The following GSG1L variants were observed in gnomAD, a reference collection of about 807,000 sequenced individuals.
GSG1L encodes the protein GSG1 like.
A neutral mutation model predicts 42.1 loss-of-function variants in GSG1L; 24 were observed. That is an observed-to-expected ratio of 0.57 (90% CI 0.41 to 0.80). The LOEUF (loss-of-function observed/expected upper bound fraction) is 0.80, where lower values mean the gene tolerates loss of function less well. Ranked by LOEUF, GSG1L falls within the 30% of genes least tolerant of loss-of-function variation. The pLI is 0.00. For missense variants in GSG1L, 445 were observed against 472.2 expected, an observed-to-expected ratio of 0.94 and a Z score of 0.53; for synonymous variants, 215 against 203.5, an observed-to-expected ratio of 1.06 and a Z score of -0.48.
intron 3 of GSG1L, among the ~76,000 whole-genome samples, chr16:27,882,669 A>G (rs571548822): frequency 6.6e-6 from 1 of 152,150 alleles, no homozygotes; most frequent in African/African-American, 2.4e-5. Flanking sequence ...TCTCACTCAA[A>G]TGTTGCCTTC....
At chr16:27,817,263 G>A (rs1345634485) in intron 5 of GSG1L, among the ~76,000 whole-genome samples, 1 of 152,134 alleles carries the variant, frequency 6.6e-6, no homozygotes, top group Non-Finnish European at 1.5e-5. Flanking sequence ...GGTGCCCTGG[G>A]GCCTCCCCAG....
At chr16:27,851,830 G>A (rs902609943) in intron 3 of GSG1L, among the ~76,000 whole-genome samples, 8 of 152,196 alleles carry the variant, frequency 5.3e-5, no homozygotes, top group African/African-American at 1.4e-4. Context: ...GAGATGCCAC[G>A]AATCATCTTT....
At chr16:27,898,510 TTTG>T (rs2084217701) in intron 2 of GSG1L, among the ~76,000 whole-genome samples, 2 of 151,982 alleles carry the variant, frequency 1.3e-5, no homozygotes, top group South Asian at 4.2e-4. Context: ...GATTTTTTGT[TTTG>T]TTTACTGTTT....
chr16:28,009,518 C>T (rs1420958510), intron 1 of GSG1L, among the ~76,000 whole-genome samples: 1 of 152,218 alleles, frequency 6.6e-6, no homozygotes, highest in East Asian at 1.9e-4. Flanking sequence ...TATCACTCAC[C>T]ACTGATTACC....
At position 27,908,953 on chromosome 16, in the gene GSG1L, C is replaced by T. The variant is rs114120576; in HGVS notation, c.398-24315G>A. The stretch of plus-strand genomic sequence containing the variant: ...GATAGCTCACTTCTCTATGCCCTTA[C>T]AGCCCCTCTGCATTAAAACAGGCTG... On this transcript the variant is annotated intron_variant, in intron 2 of 6. Coordinates refer to ENST00000447459, the MANE Select transcript of GSG1L (RefSeq NM_001109763.2). 3.6e-3 allele frequency among the ~76,000 whole-genome samples: 541 copies of T among 152,320 alleles called. 2 individuals carry two copies. The highest frequency in any genetic ancestry group is 0.012 in the African/African-American group (519 of 41,572).
At position 27,966,158 on chromosome 16, in the gene GSG1L, T is replaced by C. The variant is rs563535438; in HGVS notation, c.350-2955A>G. Among the ~76,000 whole-genome samples, 32 of 152,336 alleles carry C rather than the reference T, an allele frequency of 2.1e-4. 1 individual carries two copies. Among genetic ancestry groups the C allele is most frequent in the African/African-American group, 5.5e-4 (23 of 41,582 alleles). ...TCTCCCTTGTCATTTTTCTCAAATG[T>C]TATCTTCCCAAGGAGGCCTTTCCAT... On this transcript the variant is annotated intron_variant, in intron 1 of 6. Transcript: ENST00000447459.
rs571183165 is a variant in GSG1L at position 27,818,880 on chromosome 16, C to T, written c.830+9909G>A. On this transcript the variant is annotated intron_variant, in intron 5 of 6. Coordinates refer to ENST00000447459, the MANE Select transcript of GSG1L (RefSeq NM_001109763.2). ...TAACACAGAAGGAGATAAAGCCATGCGCATGTCAGTGCCTTAGCTTGATCT... is the reference window on the plus strand; with the variant it reads ...TAACACAGAAGGAGATAAAGCCATGTGCATGTCAGTGCCTTAGCTTGATCT... Among the ~76,000 whole-genome samples the T allele has an allele frequency of 5.9e-5, 9 of 152,062 alleles. No individual in the cohort carries two copies. The South Asian group carries it at 1.0e-3, about 18-fold the overall frequency.
intron 6 of GSG1L, among the ~76,000 whole-genome samples, chr16:27,803,779 A>ATATATATATATC (rs1358819864): frequency 6.0e-5 from 5 of 83,362 alleles, no homozygotes; most frequent in East Asian, 2.7e-4. Context: ...ATATATATAT[A>ATATATATATATC]TATATATATA....
chr16:27,888,135 C>A (rs954477910), intron 2 of GSG1L: 2 of 985,572 alleles, frequency 2.0e-6, no homozygotes, highest in Non-Finnish European at 2.4e-6. Context: ...CTCATCATGG[C>A]GCTGCTCACT....
chr16:27,884,536 A>G lies in GSG1L; in HGVS notation c.500T>C (p.Ile167Thr). 6.2e-7 allele frequency: 1 copy of G among 1,613,994 alleles called. No homozygotes were observed. The highest frequency in any genetic ancestry group is 8.5e-7 in the Non-Finnish European group (1 of 1,179,960). ...GAAGGCATTGAGCTTGAGCCCGTCG[A>G]TGACATTGCTGGAGTGGAAGAGCTC... ...CLELFHSSNV[I>T]DGLKLNAFAA... is the part of the protein sequence containing the mutation. Residue 167 changes from isoleucine to threonine, a missense_variant, in exon 3 of 7, where the codon ATC (isoleucine) becomes ACC (threonine). Around this residue, in one of 3 missense-constraint regions of GSG1L, gnomAD observed 149 missense variants for 223.3 expected, o/e 0.67. Transcript: ENST00000447459. This position sits in a 1 kb window ranked among gnomAD's most constrained non-coding sequence, Gnocchi z 4.4.
intron 2 of GSG1L, among the ~76,000 whole-genome samples, chr16:27,891,582 A>G (rs1341988768): frequency 6.6e-6 from 1 of 151,972 alleles, no homozygotes; most frequent in Non-Finnish European, 1.5e-5. Context: ...AAGCGATCCT[A>G]CCGCTTCATC....
intron 2 of GSG1L, among the ~76,000 whole-genome samples, chr16:27,891,024 G>A (rs1297716372): frequency 6.6e-6 from 1 of 152,148 alleles, no homozygotes; most frequent in Admixed American, 6.5e-5. Flanking sequence ...TTGGGGGCTT[G>A]CCCTGGCCAC....
At chr16:27,960,228 CAGG>C (rs1474991864) in intron 2 of GSG1L, among the ~76,000 whole-genome samples, 1 of 152,164 alleles carries the variant, frequency 6.6e-6, no homozygotes, top group Non-Finnish European at 1.5e-5. Context: ...AGCTTTTCAG[CAGG>C]AGAACCAGAC....
chr16:27,869,269 G>C (rs1225099441), intron 3 of GSG1L, among the ~76,000 whole-genome samples: 3 of 151,578 alleles, frequency 2.0e-5, no homozygotes, highest in Non-Finnish European at 4.4e-5. Context: ...AAGGCTCCGG[G>C]AATTGCAGAG....
Position 28,029,890 on chromosome 16 carries a change from G to A in GSG1L, c.349+33186C>T, listed in dbSNP as rs144331598. Among the ~76,000 whole-genome samples, 1,150 of 152,236 alleles carry A rather than the reference G, an allele frequency of 7.6e-3. 9 individuals carry two copies. Among genetic ancestry groups the A allele is most frequent in the Middle Eastern group, 0.031 (9 of 294 alleles). On this transcript the variant is annotated intron_variant, in intron 1 of 6. Coordinates refer to ENST00000447459, the MANE Select transcript of GSG1L (RefSeq NM_001109763.2). ...AGCGTGTGTGTGTGTGTGCATGCAC[G>A]CACATGTGGGCCGTGTGTGTTCACG...
At chr16:27,903,425 A>G (rs951743104) in intron 2 of GSG1L, among the ~76,000 whole-genome samples, 5 of 152,168 alleles carry the variant, frequency 3.3e-5, no homozygotes, top group African/African-American at 1.2e-4. Flanking sequence ...AACCACAGCC[A>G]AGACAGGGGA....
intron 5 of GSG1L, chr16:27,823,773 C>T (rs2083175209): frequency 2.9e-6 from 2 of 688,846 alleles, no homozygotes; most frequent in Non-Finnish European, 5.3e-6. Context: ...GCTCAATACC[C>T]AGCAGAGATA....
intron 5 of GSG1L, among the ~76,000 whole-genome samples, chr16:27,813,314 A>C (rs2083055934): frequency 6.9e-6 from 1 of 145,652 alleles, no homozygotes; most frequent in South Asian, 2.2e-4. Context: ...ATATGTAAGA[A>C]CACGCAGTAT....
chr16:27,948,734 C>T (rs923117114), intron 2 of GSG1L, among the ~76,000 whole-genome samples: 2 of 151,428 alleles, frequency 1.3e-5, no homozygotes, highest in African/African-American at 4.9e-5. Context: ...CTCAGCCTCC[C>T]GAGTAGCTGG....
Sources: allele counts gnomAD v4.1 joint callset (sites outside exome capture counted in the v4.1 genomes callset), GRCh38; gene constraint gnomAD v4.1.1; regional missense constraint gnomAD v4.1.1; non-coding constraint Gnocchi (gnomAD v3.1); transcripts MANE v1.5; gene names NCBI Gene and HGNC (gene_info 2026-07-23, HGNC 2026-07-21).